Variants in PRKAG2 observed in about 807,000 individuals in gnomAD.
PRKAG2 encodes 5'-AMP-activated protein kinase subunit gamma-2.
Under a neutral mutation model 69.6 loss-of-function variants are expected in PRKAG2, and 26 were observed. The observed-to-expected ratio is 0.37, with a 90% CI of 0.27 to 0.52. The LOEUF is 0.52. Among genes scored for constraint, PRKAG2 ranks in the 20% least tolerant of loss-of-function variants. PRKAG2 has a pLI of 0.90. For missense variants in PRKAG2, 557 were observed against 740.0 expected, an observed-to-expected ratio of 0.75 and a Z score of 2.87; for synonymous variants, 293 against 285.0, an observed-to-expected ratio of 1.03 and a Z score of -0.28.
At chr7:151,597,593 CA>C (rs1378315414) in intron 5 of PRKAG2, among the ~76,000 whole-genome samples, 1 of 152,042 alleles carries the variant, frequency 6.6e-6, no homozygotes, top group Non-Finnish European at 1.5e-5. Context: ...AAAAAAACCC[CA>C]AATAATCTGA....
intron 4 of PRKAG2, among the ~76,000 whole-genome samples, chr7:151,673,071 A>C (rs1417021993): frequency 1.3e-5 from 2 of 152,162 alleles, no homozygotes; most frequent in Non-Finnish European, 2.9e-5. Flanking sequence ...GCTGACAGCA[A>C]ACCCAGAGCA....
chr7:151,658,271 A>C (rs1410005792), intron 4 of PRKAG2, among the ~76,000 whole-genome samples: 1 of 151,544 alleles, frequency 6.6e-6, no homozygotes, highest in Non-Finnish European at 1.5e-5. Context: ...GCGGATCATG[A>C]GGTCAGGAGT....
rs981591997 is a variant in PRKAG2, at chr7:151,723,615, G to A, written c.467-47978C>T. Among the ~76,000 whole-genome samples the A allele has an allele frequency of 2.6e-5, 4 of 151,998 alleles. No homozygotes were observed. In the East Asian group the frequency reaches 5.8e-4, roughly 22 times the overall value. The stretch of plus-strand genomic sequence containing the variant: ...ATTGTTTCCACTTGGCCCCTGCCAT[G>A]CTGGGACCCAGATACTCCCACTTCA... On this transcript the variant is annotated intron_variant, in intron 3 of 15. Transcript: ENST00000287878.
intron 4 of PRKAG2, among the ~76,000 whole-genome samples, chr7:151,660,681 A>C (rs1335178905): frequency 1.3e-5 from 2 of 152,226 alleles, no homozygotes; most frequent in Admixed American, 1.3e-4. Flanking sequence ...TATACTATTA[A>C]GTGAAAAGCT....
chr7:151,694,749 C>T (rs763701080), intron 3 of PRKAG2, among the ~76,000 whole-genome samples: 39 of 152,238 alleles, frequency 2.6e-4, no homozygotes, highest in Non-Finnish European at 4.1e-4. Context: ...CCCAAGAGAT[C>T]GCTGCCCCTC....
chr7:151,560,428 G>A (rs1455079006), intron 15 of PRKAG2, 96 bp downstream of exon 15: 2 of 1,610,524 alleles, frequency 1.2e-6, no homozygotes, highest in Non-Finnish European at 8.5e-7. Context: ...TGATCTGTAG[G>A]TGGGTGGAGA....
At chr7:151,615,949 G>A (rs940346486) in intron 5 of PRKAG2, among the ~76,000 whole-genome samples, 8 of 152,220 alleles carry the variant, frequency 5.3e-5, no homozygotes, top group Non-Finnish European at 1.0e-4. Flanking sequence ...TTGCACACCG[G>A]CAGTATAAAC....
At position 151,850,058 on chromosome 7, in the gene PRKAG2, G is replaced by T. The variant is rs775423343; in HGVS notation, c.114+26449C>A. Among the ~76,000 whole-genome samples the T allele has an allele frequency of 6.6e-6, 1 of 152,188 alleles. No homozygotes were observed. The highest frequency in any genetic ancestry group is 1.5e-5 in the Non-Finnish European group (1 of 68,044). ...CAGAGAGGCTCTGCTGGGCTGCAGG[G>T]GGAGCGAGACACACCAGGGAGGCTG... is the stretch of plus-strand genomic sequence containing the variant. On this transcript the variant is annotated intron_variant, in intron 1 of 15. Coordinates refer to ENST00000287878, the MANE Select transcript of PRKAG2 (RefSeq NM_016203.4). This position sits in a 1 kb window ranked among gnomAD's most constrained non-coding sequence, Gnocchi z 4.1.
At chr7:151,821,899 A>G (rs1285125086) in intron 1 of PRKAG2, among the ~76,000 whole-genome samples, 1 of 152,212 alleles carries the variant, frequency 6.6e-6, no homozygotes, top group Non-Finnish European at 1.5e-5. Flanking sequence ...ATCCGTATGT[A>G]TGTATGTACA....
At position 151,664,722 on chromosome 7, in the gene PRKAG2, C is replaced by T. The variant is rs561234835; in HGVS notation, c.684+10698G>A. Among the ~76,000 whole-genome samples the T allele has an allele frequency of 1.5e-4, 23 of 152,316 alleles. 1 individual carries two copies. The Middle Eastern group carries it at 0.014, about 90-fold the overall frequency. ...GTTAGGGAAAAAGATAATCACGGTG[C>T]ACTCTGCCTCCCAATAGAGGTGCTA... On this transcript the variant is annotated intron_variant, in intron 4 of 15. Transcript: ENST00000287878.
At chr7:151,794,212 C>T (rs551843532) in intron 1 of PRKAG2, among the ~76,000 whole-genome samples, 4 of 152,234 alleles carry the variant, frequency 2.6e-5, no homozygotes, top group Non-Finnish European at 5.9e-5. Flanking sequence ...CCCAGTTCCT[C>T]GTCTGGCCCG....
intron 5 of PRKAG2, among the ~76,000 whole-genome samples, chr7:151,596,239 A>G (rs186997460): frequency 6.6e-6 from 1 of 152,344 alleles, no homozygotes; most frequent in East Asian, 1.9e-4. Flanking sequence ...GACTCCATCA[A>G]GAAACTGTCA....
chr7:151,631,833 G>GGCT (rs1824517235), intron 5 of PRKAG2: 1 of 498,864 alleles, frequency 2.0e-6, no homozygotes. Context: ...CCGGGCTCAG[G>GGCT]GCTGCGCTCT....
intron 4 of PRKAG2, among the ~76,000 whole-genome samples, chr7:151,639,929 A>G (rs545375639): frequency 2.2e-4 from 34 of 152,140 alleles, no homozygotes; most frequent in African/African-American, 7.5e-4. Flanking sequence ...TTATCTATCT[A>G]CCTACCTCCA....
intron 5 of PRKAG2, among the ~76,000 whole-genome samples, chr7:151,624,179 T>A (rs2083517789): frequency 7.0e-6 from 1 of 142,276 alleles, no homozygotes; most frequent in Admixed American, 6.9e-5. Context: ...CATATATATA[T>A]ATTTTTTTTT....
intron 4 of PRKAG2, among the ~76,000 whole-genome samples, chr7:151,646,818 A>T (rs566715097): frequency 6.6e-6 from 1 of 152,206 alleles, no homozygotes; most frequent in African/African-American, 2.4e-5. Flanking sequence ...GGATAGATGG[A>T]TATCTGCTGC....
At chr7:151,865,388 G>A (rs1004565138) in intron 1 of PRKAG2, among the ~76,000 whole-genome samples, 1 of 152,266 alleles carries the variant, frequency 6.6e-6, no homozygotes, top group South Asian at 2.1e-4. Context: ...AGCTGACAGA[G>A]AGAACAGTGA....
In PRKAG2 at chr7:151,639,571, G is replaced by A. The variant is rs75721455; in HGVS notation, c.685-7433C>T. 1.4e-3 allele frequency among the ~76,000 whole-genome samples: 208 copies of A among 152,336 alleles called. 1 individual carries two copies. The highest frequency in any genetic ancestry group is 4.7e-3 in the African/African-American group (195 of 41,568). On this transcript the variant is annotated intron_variant, in intron 4 of 15. Coordinates refer to ENST00000287878, the MANE Select transcript of PRKAG2 (RefSeq NM_016203.4). Reference sequence around the variant, plus strand: ...CCTGGAGAGAACAATAAAGGTGACAGAGGATTTCCTTGCTCTTTCTCCTGG... The same window carrying A: ...CCTGGAGAGAACAATAAAGGTGACAAAGGATTTCCTTGCTCTTTCTCCTGG...
intron 5 of PRKAG2, chr7:151,631,499 G>A (rs1824394217): frequency 7.4e-6 from 2 of 271,712 alleles, no homozygotes; most frequent in South Asian, 3.2e-5. Context: ...AGACAGGAGA[G>A]GGAAAAAAAA....
Sources: allele counts gnomAD v4.1 joint callset (sites outside exome capture counted in the v4.1 genomes callset), GRCh38; gene constraint gnomAD v4.1.1; non-coding constraint Gnocchi (gnomAD v3.1); transcripts MANE v1.5; gene names NCBI Gene and HGNC (gene_info 2026-07-23, HGNC 2026-07-21).